Variants in GTF3C1 observed in about 807,000 individuals in gnomAD.
The protein encoded by GTF3C1 is general transcription factor IIIC subunit 1.
Under a neutral mutation model 226.7 loss-of-function variants are expected in GTF3C1, and 57 were observed. The ratio of observed to expected loss-of-function variants is 0.25; its 90% confidence interval spans 0.20 to 0.31. GTF3C1 has a LOEUF of 0.31. GTF3C1 is among the 10% of genes least tolerant of loss of function. The pLI is 1.00. For missense variants in GTF3C1, 2,217 were observed against 2,776.1 expected, an observed-to-expected ratio of 0.80 and a Z score of 4.53; for synonymous variants, 1,090 against 1,084.8, an observed-to-expected ratio of 1.00 and a Z score of -0.09.
intron 29 of GTF3C1, 26 bp downstream of exon 29, chr16:27,476,425 T>A: frequency 6.9e-7 from 1 of 1,453,514 alleles, no homozygotes. Context: ...ACATCCCCGC[T>A]GTGCTGCCGG....
intron 6 of GTF3C1, 77 bp downstream of exon 6, chr16:27,528,521 G>C: frequency 8.9e-7 from 1 of 1,128,226 alleles, no homozygotes; most frequent in South Asian, 1.3e-5. Flanking sequence ...TGTGATCAGA[G>C]AGAGAGAGGC....
chr16:27,503,349 A>G (rs1476508889), intron 10 of GTF3C1, among the ~76,000 whole-genome samples: 1 of 152,198 alleles, frequency 6.6e-6, no homozygotes, highest in Non-Finnish European at 1.5e-5. Flanking sequence ...TGTACAGACA[A>G]TTACATGCCA....
intron 29 of GTF3C1, among the ~76,000 whole-genome samples, chr16:27,475,382 C>T (rs141433353): frequency 3.3e-5 from 5 of 152,278 alleles, no homozygotes; most frequent in Non-Finnish European, 7.4e-5. Flanking sequence ...TTTTTCCCCT[C>T]GTATTCCAAA....
chr16:27,528,861 T>C (rs1317124134), intron 5 of GTF3C1, 140 bp from the exon 6 acceptor site: 1 of 846,092 alleles, frequency 1.2e-6, no homozygotes. Context: ...CCTGCCAAGC[T>C]ACCTTGTCAA....
chr16:27,463,640 C>G lies in GTF3C1; in HGVS notation c.5873-48G>C. 9.5e-7 allele frequency: 1 copy of G among 1,048,522 alleles called. No homozygotes were observed. Among genetic ancestry groups the G allele is most frequent in the Non-Finnish European group, 1.5e-6 (1 of 662,986 alleles). The allele number at this position is 1,048,522 out of a possible 1,614,324, so 65.0% of individuals were successfully genotyped here. On this transcript the variant is annotated intron_variant, in intron 34 of 36. Coordinates refer to ENST00000356183, the MANE Select transcript of GTF3C1 (RefSeq NM_001520.4). The surrounding 1 kb of genome is among the most constrained non-coding windows in gnomAD (Gnocchi z 4.9). ...TGAGAGACTCGGAAAGTCAGGGAAGCCATCTCTGCCCTCCAACCTTCAGCA... is the reference window on the plus strand; with the variant it reads ...TGAGAGACTCGGAAAGTCAGGGAAGGCATCTCTGCCCTCCAACCTTCAGCA...
intron 7 of GTF3C1, among the ~76,000 whole-genome samples, chr16:27,510,528 T>C (rs1014018536): frequency 6.6e-6 from 1 of 152,174 alleles, no homozygotes; most frequent in Non-Finnish European, 1.5e-5. Context: ...CACTCCAGCC[T>C]GGGCGACACA....
intron 13 of GTF3C1, among the ~76,000 whole-genome samples, chr16:27,498,169 G>A (rs1007478966): frequency 1.5e-4 from 23 of 152,172 alleles, no homozygotes; most frequent in African/African-American, 4.6e-4. Context: ...GCCAATACTT[G>A]GCAGATCCCA....
At position 27,528,739 on chromosome 16, in the gene GTF3C1, A is replaced by C; in HGVS notation, c.850-18T>G. 1 of 1,611,348 alleles carries C rather than the reference A, an allele frequency of 6.2e-7. No individual in the cohort carries two copies. Among genetic ancestry groups the C allele is most frequent in the Non-Finnish European group, 8.5e-7 (1 of 1,177,518 alleles). On this transcript the variant is annotated intron_variant, in intron 5 of 36. Coordinates refer to ENST00000356183, the MANE Select transcript of GTF3C1 (RefSeq NM_001520.4). ...CACAGCCCCTGCCAAAACACAATTT[A>C]AAGGCTACTATTAGACACAGCAAGA...
At chr16:27,534,320 G>A (rs1487440603) in intron 4 of GTF3C1, among the ~76,000 whole-genome samples, 1 of 152,214 alleles carries the variant, frequency 6.6e-6, no homozygotes, top group Non-Finnish European at 1.5e-5. Flanking sequence ...TCTAGTGGGA[G>A]CTCAGGGAGG....
At chr16:27,515,877 T>C (rs2088651200) in intron 6 of GTF3C1, among the ~76,000 whole-genome samples, 1 of 152,082 alleles carries the variant, frequency 6.6e-6, no homozygotes, top group African/African-American at 2.4e-5. Context: ...CCAAGGGCGG[T>C]ACATGAATTA....
intron 1 of GTF3C1, among the ~76,000 whole-genome samples, chr16:27,548,424 G>A (rs141333694): frequency 6.6e-6 from 1 of 152,166 alleles, no homozygotes; most frequent in African/African-American, 2.4e-5. Flanking sequence ...GCGCCACCAC[G>A]CCAGGCTAAT....
intron 2 of GTF3C1, 64 bp downstream of exon 2, chr16:27,545,250 T>G: frequency 6.0e-6 from 7 of 1,162,194 alleles, no homozygotes; most frequent in Non-Finnish European, 9.1e-6. Context: ...GTGCTGGGAT[T>G]ACAGGCGTGA....
chr16:27,468,348 G>A (rs1467149525), intron 32 of GTF3C1, among the ~76,000 whole-genome samples: 3 of 152,246 alleles, frequency 2.0e-5, no homozygotes, highest in African/African-American at 4.8e-5. Context: ...GTCTGGCATG[G>A]TAGCTCATGC....
At chr16:27,526,969 G>C (rs993788611) in intron 6 of GTF3C1, among the ~76,000 whole-genome samples, 1 of 152,216 alleles carries the variant, frequency 6.6e-6, no homozygotes, top group Non-Finnish European at 1.5e-5. Flanking sequence ...ACTTTGGGAG[G>C]CCAAGGCAGG....
chr16:27,474,572 CATT>C (rs1393489189), intron 29 of GTF3C1, among the ~76,000 whole-genome samples: 2 of 152,072 alleles, frequency 1.3e-5, no homozygotes, highest in African/African-American at 2.4e-5. Flanking sequence ...TTGGAAAAAA[CATT>C]TTTTGAAAAA....
chr16:27,502,838 G>C (rs2088426930), intron 11 of GTF3C1, 21 bp downstream of exon 11: 1 of 1,553,826 alleles, frequency 6.4e-7, no homozygotes, highest in Non-Finnish European at 8.7e-7. Context: ...CAGACAGACA[G>C]ACAGACAGAC....
At chr16:27,468,747 TAAATAA>T (rs1035524708) in intron 32 of GTF3C1, among the ~76,000 whole-genome samples, 3 of 151,916 alleles carry the variant, frequency 2.0e-5, no homozygotes, top group African/African-American at 7.3e-5. Context: ...TTCAAATAAA[TAAATAA>T]AAATAAAAAG....
chr16:27,492,585 A>G lies in GTF3C1; in HGVS notation c.2973+32T>C, dbSNP rs2088249683. ...TGCTTGGAGACCGTTTAACAATCAG[A>G]ATTTCCTTCGTTTGGGCTTGAGGGA... On this transcript the variant is annotated intron_variant, in intron 18 of 36. Coordinates refer to ENST00000356183, the MANE Select transcript of GTF3C1 (RefSeq NM_001520.4). This position sits in a 1 kb window ranked among gnomAD's most constrained non-coding sequence, Gnocchi z 5.0. The G allele has an allele frequency of 1.3e-6, 2 of 1,553,546 alleles. No individual in the cohort carries two copies. Among genetic ancestry groups the G allele is most frequent in the Non-Finnish European group, 8.9e-7 (1 of 1,124,806 alleles).
chr16:27,508,552 G>C lies in GTF3C1; in HGVS notation c.1230C>G (p.Phe410Leu). 1 of 1,612,542 alleles carries C rather than the reference G, an allele frequency of 6.2e-7. No individual in the cohort carries two copies. Among genetic ancestry groups the C allele is most frequent in the South Asian group, 1.1e-5 (1 of 91,034 alleles). Reference sequence around the variant, plus strand: ...CTCATGATGTTACCTTGACAACTTTGAATCTTTGAAGAAGTCGGCACAGCA... The same window carrying C: ...CTCATGATGTTACCTTGACAACTTTCAATCTTTGAAGAAGTCGGCACAGCA... ...ARMLCRLLQR[F>L]KVVKGFMEDE... Residue 410 changes from phenylalanine (F) to leucine (L), a missense_variant, in exon 8 of 37, where the codon TTC becomes TTG. This residue lies in a region of GTF3C1 where 25 missense variants were observed against 71.9 expected (regional missense o/e 0.35). Coordinates refer to ENST00000356183, the MANE Select transcript of GTF3C1 (RefSeq NM_001520.4).
Sources: allele counts gnomAD v4.1 joint callset (sites outside exome capture counted in the v4.1 genomes callset), GRCh38; gene constraint gnomAD v4.1.1; regional missense constraint gnomAD v4.1.1; non-coding constraint Gnocchi (gnomAD v3.1); transcripts MANE v1.5; gene names NCBI Gene and HGNC (gene_info 2026-07-23, HGNC 2026-07-21).